ABHD12: variants seen among roughly 807,000 people sequenced by gnomAD.
The protein encoded by ABHD12 is abhydrolase domain containing 12, lysophospholipase.
ABHD12 carries 43 observed loss-of-function variants against 58.3 expected under a neutral mutation model. That is an observed-to-expected ratio of 0.74 (90% CI 0.58 to 0.95). The LOEUF (loss-of-function observed/expected upper bound fraction) is 0.95. Among genes scored for constraint, ABHD12 ranks in the 40% least tolerant of loss-of-function variants. The probability of loss-of-function intolerance (pLI) is 0.00; values close to 1 mark genes in which losing one functional copy is unlikely to be tolerated. For synonymous variants in ABHD12, 219 were observed against 211.2 expected (o/e 1.04, Z -0.32); for missense variants, 539 against 537.2 (o/e 1.00, Z -0.03).
In ABHD12 at chr20:25,300,419, G is replaced by C. The variant is rs866488482; in HGVS notation, c.*426C>G. ...TGGAACCACTGGAGTCATTCTGCAT[G>C]TGCTGGGAAGGTGCAGAAAGAACCT... On this transcript the variant is annotated 3_prime_UTR_variant, in exon 13 of 13. Coordinates refer to ENST00000339157, the MANE Select transcript of ABHD12 (RefSeq NM_001042472.3). 21 of 1,155,058 alleles carry C rather than the reference G, an allele frequency of 1.8e-5. No homozygotes were observed. Among genetic ancestry groups the C allele is most frequent in the Admixed American group, 3.9e-5 (1 of 25,914 alleles). 71.6% of individuals were successfully genotyped at this position (1,155,058 alleles called of 1,614,324 possible).
At chr20:25,346,410 G>A (rs2089519126) in intron 1 of ABHD12, among the ~76,000 whole-genome samples, 1 of 152,178 alleles carries the variant, frequency 6.6e-6, no homozygotes, top group Non-Finnish European at 1.5e-5. Flanking sequence ...TTATACATTT[G>A]TCGAAATCTC....
intron 9 of ABHD12, 103 bp downstream of exon 9, chr20:25,307,863 A>G: frequency 2.0e-6 from 1 of 501,220 alleles, no homozygotes. Context: ...TAGAATATTT[A>G]AATAACAATT....
At chr20:25,376,964 C>A (rs77085858) in intron 1 of ABHD12, among the ~76,000 whole-genome samples, 3,187 of 152,234 alleles carry the variant, frequency 0.021, 100 homozygotes, top group African/African-American at 0.072. Flanking sequence ...GAGAGAGGAA[C>A]AGAGTGAGAG....
At chr20:25,331,064 GA>G (rs1169848576) in intron 2 of ABHD12, among the ~76,000 whole-genome samples, 1 of 152,118 alleles carries the variant, frequency 6.6e-6, no homozygotes, top group Non-Finnish European at 1.5e-5. Flanking sequence ...TGAAAACTTG[GA>G]AAAAAATTTA....
chr20:25,334,510 C>A (rs1407824874), intron 2 of ABHD12, among the ~76,000 whole-genome samples: 1 of 152,130 alleles, frequency 6.6e-6, no homozygotes, highest in South Asian at 2.1e-4. Context: ...AATCCTAAGC[C>A]AAAAGAACAA....
intron 6 of ABHD12, among the ~76,000 whole-genome samples, chr20:25,313,074 C>T (rs577933106): frequency 6.6e-6 from 1 of 152,378 alleles, no homozygotes; most frequent in African/African-American, 2.4e-5. Flanking sequence ...GCCACCCCGT[C>T]TGGGAGGTGT....
At chr20:25,294,960 C>T (rs2088517410) in exon 13 of ABHD12, 1 of 1,614,132 alleles carries the variant, frequency 6.2e-7, no homozygotes, top group African/African-American at 1.3e-5. Context: ...ACCGTGTCAC[C>T]TGTTGGCTTC....
chr20:25,378,977 C>A (rs1456210892), intron 1 of ABHD12, among the ~76,000 whole-genome samples: 2 of 152,182 alleles, frequency 1.3e-5, no homozygotes, highest in Admixed American at 1.3e-4. Context: ...AAGATTAATT[C>A]TATTTAACAA....
intron 1 of ABHD12, among the ~76,000 whole-genome samples, chr20:25,366,361 C>T (rs1281595315): frequency 6.6e-6 from 1 of 150,974 alleles, no homozygotes; most frequent in African/African-American, 2.4e-5. Context: ...CCGCAACCTC[C>T]ACCTCCCAGG....
At chr20:25,311,301 G>A (rs2088845160) in intron 6 of ABHD12, among the ~76,000 whole-genome samples, 1 of 152,182 alleles carries the variant, frequency 6.6e-6, no homozygotes, top group Non-Finnish European at 1.5e-5. Flanking sequence ...GAAAAAGGGA[G>A]AGGAGTCAGG....
At chr20:25,351,008 CA>C (rs1568751704) in intron 1 of ABHD12, among the ~76,000 whole-genome samples, 190 of 131,962 alleles carry the variant, frequency 1.4e-3, no homozygotes, top group East Asian at 2.0e-3. Context: ...CACACACACA[CA>C]CCCTTATTAA....
chr20:25,333,657 G>A (rs183467779), intron 2 of ABHD12, among the ~76,000 whole-genome samples: 3,183 of 151,722 alleles, frequency 0.021, 104 homozygotes, highest in African/African-American at 0.072. Context: ...TTCAATATAC[G>A]CAAATCAATA....
intron 1 of ABHD12, among the ~76,000 whole-genome samples, chr20:25,343,707 A>C (rs2089483908): frequency 6.6e-6 from 1 of 152,190 alleles, no homozygotes. Flanking sequence ...GGGAAGCTGA[A>C]GCAGGAGAAC....
Position 25,322,381 on chromosome 20 carries a change from A to ATATATATATTTT in ABHD12, c.422+943_422+944insAAAATATATATA. ...GGAAAAGATATATATATATATATAT[A>ATATATATATTTT]TTTTTTTTTTTTTTTGAGACAAGAG... On this transcript the variant is annotated intron_variant, in intron 3 of 12. Coordinates refer to ENST00000339157, the MANE Select transcript of ABHD12 (RefSeq NM_001042472.3). Among the ~76,000 whole-genome samples, 47 of 59,264 alleles carry ATATATATATTTT rather than the reference A, an allele frequency of 7.9e-4. 3 individuals carry two copies. Among genetic ancestry groups the ATATATATATTTT allele is most frequent in the African/African-American group, 3.6e-3 (43 of 12,092 alleles). 38.9% of individuals were successfully genotyped at this position (59,264 alleles called of 152,430 possible).
chr20:25,320,162 T>A (rs766101321), intron 4 of ABHD12, 37 bp downstream of exon 4: 1 of 1,612,200 alleles, frequency 6.2e-7, no homozygotes, highest in Non-Finnish European at 8.5e-7. Context: ...AAAGGAGCCA[T>A]GCTCCACAGC....
chr20:25,350,675 ACC>A (rs2089586049), intron 1 of ABHD12, among the ~76,000 whole-genome samples: 1 of 152,196 alleles, frequency 6.6e-6, no homozygotes, highest in Non-Finnish European at 1.5e-5. Flanking sequence ...GTAAATTAGT[ACC>A]CCAAGAGTAC....
intron 1 of ABHD12, among the ~76,000 whole-genome samples, chr20:25,366,234 AT>A (rs1436986071): frequency 6.7e-6 from 1 of 150,062 alleles, no homozygotes; most frequent in African/African-American, 2.5e-5. Context: ...CATCATGCAA[AT>A]TTTTTTCATA....
intron 1 of ABHD12, among the ~76,000 whole-genome samples, chr20:25,383,822 G>A (rs2090050685): frequency 6.6e-6 from 1 of 151,978 alleles, no homozygotes; most frequent in African/African-American, 2.4e-5. Context: ...AGGTATGGTG[G>A]CGTGCACCTG....
chr20:25,389,401 C>T (rs188325409), intron 1 of ABHD12, among the ~76,000 whole-genome samples: 2 of 152,188 alleles, frequency 1.3e-5, no homozygotes, highest in Admixed American at 6.5e-5. Context: ...TCCTTAGGAG[C>T]GATACGCATA....
Sources: gnomAD v4.1 joint callset for allele counts (sites outside exome capture counted in the v4.1 genomes callset) on GRCh38, gnomAD v4.1.1 for gene constraint, MANE v1.5 for transcripts, NCBI Gene and HGNC (gene_info 2026-07-23, HGNC 2026-07-21) for gene names.